CRB2: variants seen among roughly 807,000 people sequenced by gnomAD.
The protein encoded by CRB2 is protein crumbs homolog 2.
Under a neutral mutation model 110.9 loss-of-function variants are expected in CRB2, and 85 were observed. The ratio of observed to expected loss-of-function variants is 0.77; its 90% CI spans 0.64 to 0.92. The LOEUF (loss-of-function observed/expected upper bound fraction) is 0.92. Among genes scored for constraint, CRB2 ranks in the 40% least tolerant of loss-of-function variants. The pLI, the probability that CRB2 is intolerant of heterozygous loss-of-function variation, is 0.00. For synonymous variants in CRB2, 907 were observed against 831.0 expected (o/e 1.09, Z -1.57); for missense variants, 1,843 against 1,851.3 (o/e 1.00, Z 0.08).
At chr9:123,371,845 A>C (rs144657713) in intron 8 of CRB2, among the ~76,000 whole-genome samples, 106 of 152,232 alleles carry the variant, frequency 7.0e-4, no homozygotes, top group African/African-American at 2.4e-3. Context: ...CGAGATAGAG[A>C]GCTGCCTGAG....
chr9:123,369,870 T>G (rs1156993981), intron 6 of CRB2, among the ~76,000 whole-genome samples: 4 of 151,730 alleles, frequency 2.6e-5, no homozygotes, highest in African/African-American at 9.7e-5. Context: ...AAAGGGGCAT[T>G]GGAGAATGTT....
upstream of CRB2, among the ~76,000 whole-genome samples, chr9:123,355,727 G>A (rs551246433): frequency 5.3e-5 from 8 of 149,966 alleles, no homozygotes; most frequent in Admixed American, 2.7e-4. Flanking sequence ...GGAGCAGCAG[G>A]TGGGGGGACG....
Position 123,366,269 on chromosome 9 carries a change from C to T in CRB2, c.657C>T (p.His219=), listed in dbSNP as rs2041930350. The stretch of plus-strand genomic sequence containing the variant: ...CGGGCACCGGCTACGAGGGCACGCA[C>T]TGCGAGCGGGAGGTGCTGGAGTGCG... ...DCAGTGYEGT[H]CEREVLECAS... Residue 219 remains histidine, a synonymous_variant, in exon 4 of 13, where the codon CAC becomes CAT. Transcript: ENST00000373631. The T allele has an allele frequency of 1.3e-6, 2 of 1,506,434 alleles. No homozygotes were observed. 93.3% of individuals were successfully genotyped at this position (1,506,434 alleles called of 1,614,324 possible). A position where few individuals can be genotyped will look rare whatever the true frequency, so the allele number is the denominator to read the frequency against.
At chr9:123,368,048 G>GC (rs1462484280) in intron 6 of CRB2, among the ~76,000 whole-genome samples, 1 of 152,076 alleles carries the variant, frequency 6.6e-6, no homozygotes, top group African/African-American at 2.4e-5. Flanking sequence ...CCTTTGGGGA[G>GC]CTGGGGCCTG....
Position 123,370,687 on chromosome 9 carries a change from G to A in CRB2, c.1634G>A (p.Cys545Tyr), listed in dbSNP as rs1339326644. The stretch of plus-strand genomic sequence containing the variant: ...CATGAGGGCTGCCCTGCCCGGCTCT[G>A]TGTGGCCTCTGGTCCTGTGGCCCTG... Reference protein sequence around the residue: ...LWHEGCPARLCVASGPVALAS... With the variant: ...LWHEGCPARLYVASGPVALAS... The change falls in exon 7 of 13, where the codon TGT becomes TAT. Residue 545 changes from cysteine (C) to tyrosine (Y), a missense_variant. Coordinates refer to ENST00000373631, the MANE Select transcript of CRB2 (RefSeq NM_173689.7). The A allele has an allele frequency of 6.2e-7, 1 of 1,605,802 alleles. No homozygotes were observed. Among genetic ancestry groups the A allele is most frequent in the Non-Finnish European group, 8.5e-7 (1 of 1,179,994 alleles).
At chr9:123,367,421 A>ACCCCCCCCCCCCCCCCCCCCCCCC in intron 5 of CRB2, 64 bp downstream of exon 5, 1 of 600,960 alleles carries the variant, frequency 1.7e-6, no homozygotes, top group Non-Finnish European at 2.2e-6. Context: ...TCTTGTGCCC[A>ACCCCCCCCCCCCCCCCCCCCCCCC]CCCCCCCACC....
chr9:123,373,826 C>A lies in CRB2; in HGVS notation c.3295C>A (p.His1099Asn), dbSNP rs1431714147. Reference sequence around the variant, plus strand: ...CTGCGAAGCCCACGTCGACCCCTGTCACTCCGCCCCCTGCGCCCGTGGCCG... The same window carrying A: ...CTGCGAAGCCCACGTCGACCCCTGTAACTCCGCCCCCTGCGCCCGTGGCCG... The part of the protein sequence containing the change: ...PRCEAHVDPC[H>N]SAPCARGRCH... Residue 1099 changes from histidine (H) to asparagine (N), a missense_variant, in exon 10 of 13, where the codon CAC (histidine) becomes AAC (asparagine). Physicochemically the swap from His to Asn is moderately conservative, Grantham distance 68. Coordinates refer to ENST00000373631, the MANE Select transcript of CRB2 (RefSeq NM_173689.7). The A allele has an allele frequency of 6.3e-7, 1 of 1,576,138 alleles. No individual in the cohort carries two copies.
intron 1 of CRB2, 72 bp downstream of exon 1, chr9:123,356,426 G>A (rs917654453): frequency 2.4e-6 from 3 of 1,264,520 alleles, no homozygotes; most frequent in Non-Finnish European, 3.2e-6. Context: ...CCAAGCCTTG[G>A]CTGCTGGGGT....
chr9:123,374,043 A>G (rs2042065021), intron 10 of CRB2, 123 bp downstream of exon 10: 3 of 1,191,688 alleles, frequency 2.5e-6, no homozygotes, highest in Non-Finnish European at 2.4e-6. Context: ...CTTATCTGTG[A>G]CATGAGGAGG....
chr9:123,368,998 C>G, intron 6 of CRB2: 1 of 1,156,934 alleles, frequency 8.6e-7, no homozygotes, highest in African/African-American at 1.6e-5. Flanking sequence ...GTGGTGGTTC[C>G]TAGGAAGAGG....
chr9:123,372,394 G>A (rs776607491), intron 9 of CRB2, 52 bp downstream of exon 9: 3 of 1,540,672 alleles, frequency 1.9e-6, no homozygotes, highest in Non-Finnish European at 2.6e-6. Context: ...CACCTAAGCT[G>A]GTTAGATCCC....
chr9:123,366,421 G>A, intron 4 of CRB2, 55 bp downstream of exon 4: 1 of 1,485,010 alleles, frequency 6.7e-7, no homozygotes, highest in South Asian at 1.3e-5. Flanking sequence ...GTGCGCCTGT[G>A]CGGCCTGGGG....
rs894405732 is a variant in CRB2 at position 123,378,589 on chromosome 9, G to C, written c.*1527G>C. 6 of 152,358 alleles carry C rather than the reference G, an allele frequency of 3.9e-5. No individual in the cohort carries two copies. The South Asian group carries it at 6.2e-4, about 16-fold the overall frequency. The allele number at this position is 152,358 out of a possible 1,614,324, so 9.4% of individuals were successfully genotyped here. A position where few individuals can be genotyped will look rare whatever the true frequency, so the allele number is the denominator to read the frequency against. On this transcript the variant is annotated 3_prime_UTR_variant, in exon 13 of 13. Coordinates refer to ENST00000373631, the MANE Select transcript of CRB2 (RefSeq NM_173689.7). ...GGGCTTGCTTGGTCCTTATCCTGTA[G>C]GAGGTGGGACCACCTTTCCCTGAAC...
At chr9:123,375,500 C>CA (rs1169569915) in intron 12 of CRB2, among the ~76,000 whole-genome samples, 157 bp downstream of exon 12, 2 of 152,114 alleles carry the variant, frequency 1.3e-5, no homozygotes, top group Non-Finnish European at 2.9e-5. Context: ...CCACACCCCC[C>CA]ACACAAGAGG....
chr9:123,361,939 CTG>C (rs2041873336), intron 1 of CRB2, among the ~76,000 whole-genome samples: 1 of 152,188 alleles, frequency 6.6e-6, no homozygotes, highest in African/African-American at 2.4e-5. Context: ...ATGAGGATCT[CTG>C]GGCGTGGCTT....
At position 123,370,745 on chromosome 9, in the gene CRB2, C is replaced by T. The variant is rs535319219; in HGVS notation, c.1692C>T (p.Ala564=). The T allele has an allele frequency of 2.5e-5, 40 of 1,603,216 alleles. No homozygotes were observed. In the South Asian group the frequency reaches 3.1e-4, roughly 12 times the overall value. The part of the protein sequence containing the change: ...ASTASATPLP[A]GISSAQLGDA... ...CGGCTTCGGCAACTCCGCTGCCTGC[C>T]GGGATCTCCTCTGCCCAGCTGGGGG... Residue 564 remains alanine, a synonymous_variant, in exon 7 of 13, where the codon GCC becomes GCT. Coordinates refer to ENST00000373631, the MANE Select transcript of CRB2 (RefSeq NM_173689.7).
intron 10 of CRB2, among the ~76,000 whole-genome samples, chr9:123,374,257 C>T (rs542941027): frequency 1.3e-5 from 2 of 152,230 alleles, no homozygotes; most frequent in East Asian, 1.9e-4. Flanking sequence ...AGTGGCTCTC[C>T]CGGGAGCCCA....
At chr9:123,376,529 C>G (rs940151244) in intron 12 of CRB2, among the ~76,000 whole-genome samples, 3 of 151,922 alleles carry the variant, frequency 2.0e-5, no homozygotes, top group Admixed American at 1.3e-4. Flanking sequence ...CTCATGAGAC[C>G]CTCGTAGGCT....
intron 1 of CRB2, among the ~76,000 whole-genome samples, chr9:123,359,739 T>C (rs1001211234): frequency 6.6e-6 from 1 of 152,154 alleles, no homozygotes; most frequent in African/African-American, 2.4e-5. Context: ...TGTGAGCCAC[T>C]GCACCTGGCT....
Sources: gnomAD v4.1 joint callset for allele counts (sites outside exome capture counted in the v4.1 genomes callset) on GRCh38, gnomAD v4.1.1 for gene constraint, MANE v1.5 for transcripts, NCBI Gene and HGNC (gene_info 2026-07-23, HGNC 2026-07-21) for gene names.